Variants in ENPP1 observed in about 807,000 individuals in gnomAD.
ENPP1 encodes ectonucleotide pyrophosphatase/phosphodiesterase family member 1.
In ENPP1, 73 loss-of-function variants were observed where a neutral mutation model predicts 122.8. The ratio of observed to expected loss-of-function variants is 0.59; its 90% CI spans 0.49 to 0.72. ENPP1 has a LOEUF of 0.72. Among genes scored for constraint, ENPP1 ranks in the 30% least tolerant of loss-of-function variants. The pLI is 0.00. For synonymous variants in ENPP1, 367 were observed against 391.6 expected (o/e 0.94, Z 0.74); for missense variants, 978 against 1,128.1 (o/e 0.87, Z 1.91).
In ENPP1 at chr6:131,874,312, C is replaced by T; in HGVS notation, c.1610C>T (p.Ser537Phe). ...RKYCGSGFHG[S>F]DNVFSNMQAL... ...TATTGTGGAAGTGGATTTCATGGCT[C>T]TGACAATGTATTTTCAAATATGCAA... is the stretch of plus-strand genomic sequence containing the variant. The change falls in exon 16 of 25, where the codon TCT becomes TTT. Residue 537 changes from serine to phenylalanine, a missense_variant. This residue lies in a region of ENPP1 where 644 missense variants were observed against 781.5 expected (regional missense o/e 0.82). Transcript: ENST00000647893. 6.3e-7 allele frequency: 1 copy of T among 1,595,712 alleles called. No homozygotes were observed. The highest frequency in any genetic ancestry group is 8.6e-7 in the Non-Finnish European group (1 of 1,164,362).
At chr6:131,861,247 T>G (rs1585823755) in intron 8 of ENPP1, among the ~76,000 whole-genome samples, 1 of 152,190 alleles carries the variant, frequency 6.6e-6, no homozygotes, top group East Asian at 1.9e-4. Context: ...GGAATACTAT[T>G]TAGAACCATG....
chr6:131,888,059 G>A (rs545128089), intron 24 of ENPP1, among the ~76,000 whole-genome samples: 112 of 151,632 alleles, frequency 7.4e-4, no homozygotes, highest in African/African-American at 2.4e-3. Context: ...ATGGGGTTTC[G>A]CCGTGTTGGC....
rs1781947048 is a variant in ENPP1, at chr6:131,856,466, T to C, written c.715+1443T>C. Among the ~76,000 whole-genome samples, 4 of 150,064 alleles carry C rather than the reference T, an allele frequency of 2.7e-5. No homozygotes were observed. In the South Asian group the frequency reaches 8.4e-4, roughly 31 times the overall value. On this transcript the variant is annotated intron_variant, in intron 6 of 24. Coordinates refer to ENST00000647893, the MANE Select transcript of ENPP1 (RefSeq NM_006208.3). ...CCTGTTCACTCTGATGGTAGTTTCT[T>C]TTGCTGTGCAGAAGCTCTTTAGTTT... is the stretch of plus-strand genomic sequence containing the variant.
intron 11 of ENPP1, among the ~76,000 whole-genome samples, chr6:131,865,860 G>C (rs996313033): frequency 6.6e-6 from 1 of 152,058 alleles, no homozygotes. Context: ...GCCGGGCCTG[G>C]TGGTGTGTGC....
intron 1 of ENPP1, chr6:131,828,462 A>G (rs1781573253): frequency 3.9e-6 from 1 of 258,160 alleles, no homozygotes; most frequent in Admixed American, 4.1e-5. Flanking sequence ...ATATTAAATA[A>G]ATCAGAAATG....
chr6:131,867,978 G>A lies in ENPP1; in HGVS notation c.1165-40G>A, dbSNP rs1041124918. ...GCTTTATGTATAAATAGCCATTAGT[G>A]TGGAAGGTATCACATGAGGTTGTTG... On this transcript the variant is annotated intron_variant, in intron 11 of 24. Coordinates refer to ENST00000647893, the MANE Select transcript of ENPP1 (RefSeq NM_006208.3). 9 of 1,134,150 alleles carry A rather than the reference G, an allele frequency of 7.9e-6. No individual in the cohort carries two copies. In the East Asian group the frequency reaches 1.9e-4, roughly 24 times the overall value. The allele number at this position is 1,134,150 out of a possible 1,614,324, so 70.3% of individuals were successfully genotyped here. A position where few individuals can be genotyped will look rare whatever the true frequency, so the allele number is the denominator to read the frequency against.
At chr6:131,831,763 G>T (rs536662721) in intron 1 of ENPP1, among the ~76,000 whole-genome samples, 77 of 152,262 alleles carry the variant, frequency 5.1e-4, no homozygotes, top group African/African-American at 1.8e-3. Context: ...TGTCATTGAT[G>T]ATGTTAACCT....
At chr6:131,857,745 A>G (rs564361719) in intron 6 of ENPP1, among the ~76,000 whole-genome samples, 1 of 152,316 alleles carries the variant, frequency 6.6e-6, no homozygotes, top group African/African-American at 2.4e-5. Flanking sequence ...ACACATGTAT[A>G]CATATGTAAC....
intron 22 of ENPP1, 63 bp downstream of exon 22, chr6:131,883,837 C>A: frequency 1.2e-6 from 1 of 832,384 alleles, no homozygotes; most frequent in South Asian, 1.4e-5. Flanking sequence ...AGGCATAATT[C>A]ATATGTAATA....
chr6:131,865,079 T>C, intron 11 of ENPP1, 141 bp downstream of exon 11: 1 of 686,000 alleles, frequency 1.5e-6, no homozygotes, highest in South Asian at 1.6e-5. Flanking sequence ...TTACTAAATA[T>C]AAGGATGCAC....
intron 13 of ENPP1, among the ~76,000 whole-genome samples, chr6:131,871,247 CTT>C (rs1307919997): frequency 6.6e-6 from 1 of 151,602 alleles, no homozygotes; most frequent in African/African-American, 2.4e-5. Flanking sequence ...AATGTATACT[CTT>C]ATCTGGATAA....
intron 2 of ENPP1, 53 bp from the exon 3 acceptor site, chr6:131,849,937 C>A: frequency 7.7e-7 from 1 of 1,297,782 alleles, no homozygotes; most frequent in Non-Finnish European, 1.1e-6. Flanking sequence ...TTGATGTTTA[C>A]TTTGAATTAT....
chr6:131,817,847 T>C (rs1781434893), intron 1 of ENPP1, among the ~76,000 whole-genome samples: 1 of 151,970 alleles, frequency 6.6e-6, no homozygotes, highest in Non-Finnish European at 1.5e-5. Flanking sequence ...GAAAATCATT[T>C]TGGAGGAAGT....
intron 24 of ENPP1, among the ~76,000 whole-genome samples, chr6:131,888,514 G>GTA (rs1345153764): frequency 6.6e-6 from 1 of 152,150 alleles, no homozygotes; most frequent in Non-Finnish European, 1.5e-5. Flanking sequence ...GGGCCCAAGA[G>GTA]TAGAATACAA....
At chr6:131,852,353 T>C (rs752475369) in intron 5 of ENPP1, 118 bp downstream of exon 5, 21 of 687,470 alleles carry the variant, frequency 3.1e-5, no homozygotes, top group Non-Finnish European at 4.8e-5. Context: ...ACATTACAGG[T>C]TGAGTATCCT....
intron 7 of ENPP1, among the ~76,000 whole-genome samples, chr6:131,859,943 ACAGTTTG>A (rs1266946280): frequency 2.0e-5 from 3 of 152,112 alleles, no homozygotes; most frequent in African/African-American, 7.2e-5. Flanking sequence ...TTCATGAAAA[ACAGTTTG>A]CTGTTTGACC....
At position 131,889,952 on chromosome 6, in the gene ENPP1, G is replaced by A. The variant is rs545488167; in HGVS notation, c.2608-389G>A. Among the ~76,000 whole-genome samples, 117 of 152,178 alleles carry A rather than the reference G, an allele frequency of 7.7e-4. 3 individuals are homozygous for A. In the South Asian group the frequency reaches 0.022, roughly 29 times the overall value. Reference sequence around the variant, plus strand: ...TTTCTCCACAACCTTACTAGCTAGCGTCTGTTGTTTTTTGACTTTTTAATA... The same window carrying A: ...TTTCTCCACAACCTTACTAGCTAGCATCTGTTGTTTTTTGACTTTTTAATA... On this transcript the variant is annotated intron_variant, in intron 24 of 24. Transcript: ENST00000647893.
At chr6:131,885,147 C>G in intron 23 of ENPP1, 84 bp downstream of exon 23, 2 of 1,323,172 alleles carry the variant, frequency 1.5e-6, no homozygotes, top group Non-Finnish European at 2.2e-6. Context: ...TCAACAGAAC[C>G]TTTTTTATCC....
At chr6:131,844,041 C>T (rs1781774520) in intron 1 of ENPP1, among the ~76,000 whole-genome samples, 1 of 152,170 alleles carries the variant, frequency 6.6e-6, no homozygotes, top group African/African-American at 2.4e-5. Context: ...GAGCCTAACC[C>T]TCTGAGAGTA....
Sources: gnomAD v4.1 joint callset for allele counts (sites outside exome capture counted in the v4.1 genomes callset) on GRCh38, gnomAD v4.1.1 for gene constraint, gnomAD v4.1.1 regional missense constraint, MANE v1.5 for transcripts, NCBI Gene and HGNC (gene_info 2026-07-23, HGNC 2026-07-21) for gene names.